Variants in CAMK4 observed in about 807,000 individuals in gnomAD.
The protein encoded by CAMK4 is calcium/calmodulin dependent protein kinase IV.
In CAMK4, 22 loss-of-function variants were observed where a neutral mutation model predicts 44.9. That is an observed-to-expected ratio of 0.49 (90% CI 0.35 to 0.70). The LOEUF is 0.70. Among genes scored for constraint, CAMK4 ranks in the 30% least tolerant of loss-of-function variants. The pLI is 0.01. For synonymous variants in CAMK4, 218 were observed against 215.4 expected (o/e 1.01, Z -0.11); for missense variants, 498 against 586.8 (o/e 0.85, Z 1.56).
chr5:111,260,065 C>A lies in CAMK4; in HGVS notation c.161+35421C>A, dbSNP rs529308767. On this transcript the variant is annotated intron_variant, in intron 1 of 10. Transcript: ENST00000282356. ...ATTCTTTTAATGTCATAAATAATAG[C>A]CGAAAAGAATTTTGAAAGACAAAAT... Among the ~76,000 whole-genome samples, 4 of 152,222 alleles carry A rather than the reference C, an allele frequency of 2.6e-5. No individual in the cohort carries two copies. In the South Asian group the frequency reaches 8.3e-4, roughly 32 times the overall value.
At chr5:111,235,238 G>T (rs1423927390) in intron 1 of CAMK4, among the ~76,000 whole-genome samples, 1 of 152,138 alleles carries the variant, frequency 6.6e-6, no homozygotes, top group East Asian at 1.9e-4. Context: ...ACTGCTCTAA[G>T]ATTAGTGTTT....
At position 111,228,509 on chromosome 5, in the gene CAMK4, G is replaced by GGGGTGT. The variant is rs1554053042; in HGVS notation, c.161+3866_161+3867insGGTGTG. Among the ~76,000 whole-genome samples the GGGGTGT allele has an allele frequency of 3.6e-4, 52 of 145,354 alleles. 1 individual carries two copies. Among genetic ancestry groups the GGGGTGT allele is most frequent in the South Asian group, 2.2e-3 (10 of 4,518 alleles). On this transcript the variant is annotated intron_variant, in intron 1 of 10. Coordinates refer to ENST00000282356, the MANE Select transcript of CAMK4 (RefSeq NM_001744.6). ...AACCAAATAGATTTCCATAGTAAGG[G>GGGGTGT]GTGTGTGTGTGTGTGTGTGTGTGTG... is the stretch of plus-strand genomic sequence containing the variant.
Position 111,473,311 on chromosome 5 carries a change from C to T in CAMK4, c.626C>T (p.Ala209Val). 6.2e-7 allele frequency: 1 copy of T among 1,605,036 alleles called. No individual in the cohort carries two copies. The highest frequency in any genetic ancestry group is 8.5e-7 in the Non-Finnish European group (1 of 1,172,182). The change falls in exon 8 of 11, where the codon GCA (alanine) becomes GTA (valine). Residue 209 changes from alanine to valine, a missense_variant and splice_region_variant. Transcript: ENST00000282356. ...AACACAATTTTCACTTTTTCTGCAGCACCTGAAATTCTTAGAGGTTGTGCC... is the reference window on the plus strand; with the variant it reads ...AACACAATTTTCACTTTTTCTGCAGTACCTGAAATTCTTAGAGGTTGTGCC... ...KTVCGTPGYC[A>V]PEILRGCAYG...
At chr5:111,394,114 A>G (rs1466644670) in intron 4 of CAMK4, among the ~76,000 whole-genome samples, 1 of 152,150 alleles carries the variant, frequency 6.6e-6, no homozygotes, top group Non-Finnish European at 1.5e-5. Context: ...TTATTTGGAT[A>G]CTTATTCAAA....
At chr5:111,226,171 C>T (rs893300641) in intron 1 of CAMK4, among the ~76,000 whole-genome samples, 22 of 152,174 alleles carry the variant, frequency 1.4e-4, no homozygotes, top group Non-Finnish European at 1.5e-4. Flanking sequence ...AACATTAACC[C>T]TAGATGCCTC....
intron 4 of CAMK4, among the ~76,000 whole-genome samples, chr5:111,378,050 C>A (rs1751280730): frequency 6.6e-6 from 1 of 151,998 alleles, no homozygotes; most frequent in Non-Finnish European, 1.5e-5. Context: ...ATTCATTTGC[C>A]AAAATCTTGA....
rs1317884732 is a variant in CAMK4 at position 111,290,166 on chromosome 5, T to G, written c.162-53858T>G. Among the ~76,000 whole-genome samples the G allele has an allele frequency of 6.6e-6, 1 of 152,096 alleles. No individual in the cohort carries two copies. The highest frequency in any genetic ancestry group is 1.5e-5 in the Non-Finnish European group (1 of 68,030). On this transcript the variant is annotated intron_variant, in intron 1 of 10. Transcript: ENST00000282356. This position sits in a 1 kb window ranked among gnomAD's most constrained non-coding sequence, Gnocchi z 4.5. ...TCAACACATAAACCCTGTTTTGGAG[T>G]ATAGACGCCTGCTCCCCTACCCATA... is the stretch of plus-strand genomic sequence containing the variant.
intron 1 of CAMK4, among the ~76,000 whole-genome samples, chr5:111,258,200 C>T (rs1320198574): frequency 7.9e-5 from 12 of 151,946 alleles, no homozygotes; most frequent in African/African-American, 2.9e-4. Flanking sequence ...TTGGACATTC[C>T]AATAGTACCT....
At position 111,449,129 on chromosome 5, in the gene CAMK4, C is replaced by G. The variant is rs1279534213; in HGVS notation, c.551C>G (p.Ala184Gly). 6.7e-7 allele frequency: 1 copy of G among 1,482,814 alleles called. No individual in the cohort carries two copies. The highest frequency in any genetic ancestry group is 9.4e-7 in the Non-Finnish European group (1 of 1,067,784). 91.9% of individuals were successfully genotyped at this position (1,482,814 alleles called of 1,614,324 possible). A position where few individuals can be genotyped will look rare whatever the true frequency, so the allele number is the denominator to read the frequency against. ...TPAPDAPLKI[A>G]DFGLSKIVEH... is the part of the protein sequence containing the mutation. ...TTAAATTTTTTTCTTGTGTTATTAG[C>G]TGATTTTGGACTCTCTAAAATTGTG... The change falls in exon 7 of 11, where the codon GCT becomes GGT. Residue 184 changes from alanine to glycine, a missense_variant and splice_region_variant. Physicochemically the swap from Ala to Gly is moderately conservative, Grantham distance 60. Coordinates refer to ENST00000282356, the MANE Select transcript of CAMK4 (RefSeq NM_001744.6).
chr5:111,267,783 C>G (rs946895196), intron 1 of CAMK4, among the ~76,000 whole-genome samples: 3 of 149,388 alleles, frequency 2.0e-5, no homozygotes, highest in Non-Finnish European at 4.4e-5. Flanking sequence ...TCCCACGTTA[C>G]AAACACAATA....
At chr5:111,394,572 A>G (rs1340723776) in intron 4 of CAMK4, 138 bp from the exon 5 acceptor site, 23 of 572,460 alleles carry the variant, frequency 4.0e-5, no homozygotes, top group Middle Eastern at 5.7e-4. Flanking sequence ...GTTTGTGGAA[A>G]TCTTTCCCAT....
At chr5:111,478,360 C>G (rs374161938) in intron 8 of CAMK4, 21 bp from the exon 9 acceptor site, 1 of 1,452,264 alleles carries the variant, frequency 6.9e-7, no homozygotes, top group South Asian at 1.3e-5. Context: ...ACATTTTATT[C>G]TCTATATTTT....
chr5:111,390,087 G>C (rs1751745094), intron 4 of CAMK4, among the ~76,000 whole-genome samples: 1 of 152,064 alleles, frequency 6.6e-6, no homozygotes, highest in Admixed American at 6.6e-5. Flanking sequence ...AATTTCATAG[G>C]TTTGTAAGTA....
intron 1 of CAMK4, among the ~76,000 whole-genome samples, chr5:111,257,633 A>G (rs1293306079): frequency 6.6e-6 from 1 of 152,198 alleles, no homozygotes; most frequent in Non-Finnish European, 1.5e-5. Context: ...AGACTCAGAA[A>G]TCCCATTACT....
chr5:111,375,274 C>T (rs1751172606), intron 3 of CAMK4, among the ~76,000 whole-genome samples: 1 of 152,126 alleles, frequency 6.6e-6, no homozygotes, highest in African/African-American at 2.4e-5. Flanking sequence ...GAAGAAAATA[C>T]ATTGCTTTCC....
intron 1 of CAMK4, among the ~76,000 whole-genome samples, chr5:111,315,616 G>A (rs1250362601): frequency 6.6e-6 from 1 of 152,028 alleles, no homozygotes; most frequent in African/African-American, 2.4e-5. Context: ...GTATATAAAG[G>A]AACTCTAAAC....
intron 5 of CAMK4, among the ~76,000 whole-genome samples, chr5:111,443,971 T>C (rs1195787364): frequency 6.6e-6 from 1 of 152,210 alleles, no homozygotes; most frequent in African/African-American, 2.4e-5. Context: ...CACCGCATGT[T>C]TTCCCTGGGT....
chr5:111,318,504 A>G (rs1224489997), intron 1 of CAMK4, among the ~76,000 whole-genome samples: 1 of 152,148 alleles, frequency 6.6e-6, no homozygotes, highest in Non-Finnish European at 1.5e-5. Context: ...GGAGTGAAAG[A>G]AAATATTATT....
At position 111,229,148 on chromosome 5, in the gene CAMK4, A is replaced by G. The variant is rs538790595; in HGVS notation, c.161+4504A>G. ...CTTAGTGCTCTTGGCTCTGGTTGATATAACAAGATGTCTTAGACTGGGTGG... is the reference window on the plus strand; with the variant it reads ...CTTAGTGCTCTTGGCTCTGGTTGATGTAACAAGATGTCTTAGACTGGGTGG... On this transcript the variant is annotated intron_variant, in intron 1 of 10. Coordinates refer to ENST00000282356, the MANE Select transcript of CAMK4 (RefSeq NM_001744.6). Among the ~76,000 whole-genome samples, 90 of 152,336 alleles carry G rather than the reference A, an allele frequency of 5.9e-4. 1 individual carries two copies. Among genetic ancestry groups the G allele is most frequent in the African/African-American group, 2.1e-3 (86 of 41,574 alleles).
Sources: allele counts gnomAD v4.1 joint callset (sites outside exome capture counted in the v4.1 genomes callset), GRCh38; gene constraint gnomAD v4.1.1; non-coding constraint Gnocchi (gnomAD v3.1); transcripts MANE v1.5; gene names NCBI Gene and HGNC (gene_info 2026-07-23, HGNC 2026-07-21).